The following ARHGAP8 variants were observed in gnomAD, a reference collection of about 807,000 sequenced individuals.
ARHGAP8 encodes Rho GTPase activating protein 8, also known as rho GTPase-activating protein 8.
ARHGAP8 carries 62 observed loss-of-function variants against 46.1 expected under a neutral mutation model. That is an observed-to-expected ratio of 1.34 (90% CI 1.10 to 1.66). The LOEUF is 1.66. ARHGAP8 is among the 40% of genes most tolerant of loss of function. The probability of loss-of-function intolerance (pLI) is 0.00; values close to 1 mark genes in which losing one functional copy is unlikely to be tolerated. For missense variants in ARHGAP8, 923 were observed against 568.4 expected (o/e 1.62, Z -6.34); for synonymous variants, 375 against 243.1 (o/e 1.54, Z -5.05).
chr22:44,787,035 A>T (rs1488967697), intron 2 of ARHGAP8, among the ~76,000 whole-genome samples: 1 of 96,344 alleles, frequency 1.0e-5, no homozygotes, highest in African/African-American at 3.4e-5. Flanking sequence ...GTCTCAAAAA[A>T]ACAAAAAAAA....
Position 44,815,747 on chromosome 22 carries a change from G to A in ARHGAP8, c.386+989G>A, listed in dbSNP as rs376503175. On this transcript the variant is annotated intron_variant, in intron 5 of 11. Coordinates refer to ENST00000356099, the MANE Select transcript of ARHGAP8 (RefSeq NM_181335.3). ...TGGGAAGCAAGAGCTCAAGGGGCTCGTGAGGCCTGGGAGGCTCTGCCTGGG... is the reference window on the plus strand; with the variant it reads ...TGGGAAGCAAGAGCTCAAGGGGCTCATGAGGCCTGGGAGGCTCTGCCTGGG... Among the ~76,000 whole-genome samples the A allele has an allele frequency of 8.0e-4, 122 of 152,286 alleles. 1 individual carries two copies. The South Asian group carries it at 0.022, about 28-fold the overall frequency.
At chr22:44,859,990 G>A (rs567866160) in intron 11 of ARHGAP8, among the ~76,000 whole-genome samples, 156 bp downstream of exon 11, 1 of 148,268 alleles carries the variant, frequency 6.7e-6, no homozygotes, top group Non-Finnish European at 1.5e-5. Flanking sequence ...CCTCATCCAA[G>A]GCCTGGTCAG....
Position 44,862,461 on chromosome 22 carries a change from C to T in ARHGAP8, c.1168C>T (p.His390Tyr), listed in dbSNP as rs2070543223. Residue 390 changes from histidine to tyrosine, a missense_variant, in exon 12 of 12, where the codon CAC becomes TAC. Transcript: ENST00000356099. ...IFSTPEAPGE[H>Y]GLAPWEQGSR... Reference sequence around the variant, plus strand: ...CAGCACCCCGGAGGCACCTGGGGAGCACGGCCTGGCACCATGGGAACAGGG... The same window carrying T: ...CAGCACCCCGGAGGCACCTGGGGAGTACGGCCTGGCACCATGGGAACAGGG... 3.1e-6 allele frequency: 5 copies of T among 1,613,912 alleles called. No homozygotes were observed. Among genetic ancestry groups the T allele is most frequent in the African/African-American group, 1.3e-5 (1 of 74,924 alleles).
chr22:44,858,556 A>AG (rs2070313754), intron 10 of ARHGAP8, among the ~76,000 whole-genome samples: 1 of 19,024 alleles, frequency 5.3e-5, no homozygotes, highest in Non-Finnish European at 1.1e-4. Flanking sequence ...TTTTTTAAGT[A>AG]ACAGGGTTTC....
chr22:44,811,984 G>A (rs1221365017), intron 4 of ARHGAP8, among the ~76,000 whole-genome samples: 3 of 135,300 alleles, frequency 2.2e-5, no homozygotes, highest in African/African-American at 5.9e-5. Context: ...GCAACAGAGT[G>A]AAACTCTGTT....
At position 44,849,308 on chromosome 22, in the gene ARHGAP8, A is replaced by G. The variant is rs2070038661; in HGVS notation, c.877+248A>G. 5.2e-6 allele frequency: 3 copies of G among 582,402 alleles called. No homozygotes were observed. In the South Asian group the frequency reaches 6.6e-5, roughly 13 times the overall value. 36.1% of individuals were successfully genotyped at this position (582,402 alleles called of 1,614,324 possible). A position where few individuals can be genotyped will look rare whatever the true frequency, so the allele number is the denominator to read the frequency against. ...GGTTGTCCAGGCCGGTCTCTCAGGC[A>G]CAGCTGGGCCAGGAGGCAGGGTGAT... is the stretch of plus-strand genomic sequence containing the variant. On this transcript the variant is annotated intron_variant, in intron 10 of 11. Transcript: ENST00000356099.
Position 44,836,760 on chromosome 22 carries a change from T to C in ARHGAP8, c.597-8509T>C, listed in dbSNP as rs190588291. Among the ~76,000 whole-genome samples, 15 of 152,026 alleles carry C rather than the reference T, an allele frequency of 9.9e-5. No homozygotes were observed. The East Asian group carries it at 2.7e-3, about 27-fold the overall frequency. ...GAAGATGCAGGACCATCTCAGAGGG[T>C]TGGGAAAAGCCTGGGTGCCCAGCTG... On this transcript the variant is annotated intron_variant, in intron 7 of 11. Coordinates refer to ENST00000356099, the MANE Select transcript of ARHGAP8 (RefSeq NM_181335.3).
At chr22:44,859,965 C>G in intron 11 of ARHGAP8, 131 bp downstream of exon 11, 2 of 1,100,674 alleles carry the variant, frequency 1.8e-6, no homozygotes, top group South Asian at 1.6e-5. Flanking sequence ...AATACCACTC[C>G]CTGCCCCCCA....
At chr22:44,853,636 A>G (rs1169364762) in intron 10 of ARHGAP8, among the ~76,000 whole-genome samples, 1 of 152,234 alleles carries the variant, frequency 6.6e-6, no homozygotes, top group Admixed American at 6.5e-5. Context: ...GAATTGACCT[A>G]TGTCGGCTCT....
chr22:44,862,604 A>C lies in ARHGAP8; in HGVS notation c.*9A>C. 1.3e-6 allele frequency: 2 copies of C among 1,550,228 alleles called. No individual in the cohort carries two copies. The highest frequency in any genetic ancestry group is 8.7e-7 in the Non-Finnish European group (1 of 1,146,258). On this transcript the variant is annotated 3_prime_UTR_variant, in exon 12 of 12. Transcript: ENST00000356099. ...CCAGAAGACGTCTCTAGTGTTGCGA[A>C]CACTCTGTATATTTCGAGCTACCTC...
At position 44,774,434 on chromosome 22, in the gene ARHGAP8, A is replaced by C. The variant is rs192261330; in HGVS notation, c.-71-12023A>C. Among the ~76,000 whole-genome samples, 371 of 152,268 alleles carry C rather than the reference A, an allele frequency of 2.4e-3. 1 individual carries two copies. Among genetic ancestry groups the C allele is most frequent in the African/African-American group, 8.5e-3 (353 of 41,562 alleles). ...TCCAATCAACAACATCAACAAAAAA[A>C]TGCCTTTATAATTAGTGTCTTTATG... is the stretch of plus-strand genomic sequence containing the variant. On this transcript the variant is annotated intron_variant, in intron 1 of 11. Coordinates refer to ENST00000356099, the MANE Select transcript of ARHGAP8 (RefSeq NM_181335.3).
intron 10 of ARHGAP8, among the ~76,000 whole-genome samples, chr22:44,856,224 C>G (rs938472932): frequency 2.1e-5 from 3 of 145,282 alleles, no homozygotes; most frequent in Admixed American, 6.9e-5. Context: ...GAGTGCAGCT[C>G]ACATTACTGT....
intron 8 of ARHGAP8, 84 bp downstream of exon 8, chr22:44,845,426 CCA>C: frequency 6.3e-7 from 1 of 1,581,978 alleles, no homozygotes. Flanking sequence ...TCCTGAGCAC[CCA>C]CAAGCCAGGG....
chr22:44,786,362 G>A, intron 1 of ARHGAP8, 95 bp from the exon 2 acceptor site: 1 of 1,476,586 alleles, frequency 6.8e-7, no homozygotes, highest in Non-Finnish European at 9.1e-7. Context: ...GTGCAGCAGA[G>A]GTGGGTGACT....
chr22:44,858,459 C>G (rs1319082841), intron 10 of ARHGAP8, among the ~76,000 whole-genome samples: 1 of 147,138 alleles, frequency 6.8e-6, no homozygotes, highest in African/African-American at 2.5e-5. Flanking sequence ...CCTCTGTCTT[C>G]TGAGTTCAAG....
In ARHGAP8 at chr22:44,861,952, C is replaced by T. The variant is rs550570624; in HGVS notation, c.982-323C>T. Among the ~76,000 whole-genome samples, 26 of 152,294 alleles carry T rather than the reference C, an allele frequency of 1.7e-4. 1 individual carries two copies. Among genetic ancestry groups the T allele is most frequent in the East Asian group, 7.7e-4 (4 of 5,184 alleles). On this transcript the variant is annotated intron_variant, in intron 11 of 11. Transcript: ENST00000356099. ...GCCAGAGAGGTCACCAAGTTCGTAC[C>T]GTCTGTGCTACAGCCCATCCCCAAG... is the stretch of plus-strand genomic sequence containing the variant.
rs1297658843 is a variant in ARHGAP8 at position 44,862,427 on chromosome 22, A to G, written c.1134A>G (p.Glu378=). The G allele has an allele frequency of 1.5e-5, 25 of 1,614,092 alleles. No homozygotes were observed. Among genetic ancestry groups the G allele is most frequent in the South Asian group, 2.2e-5 (2 of 91,078 alleles). ...CTGAACTGCTGATCGAGTACTATGA[A>G]AAGATCTTCAGCACCCCGGAGGCAC... ...MFTELLIEYY[E]KIFSTPEAPG... The change falls in exon 12 of 12, where the codon GAA becomes GAG. Residue 378 remains glutamate, a synonymous_variant. Coordinates refer to ENST00000356099, the MANE Select transcript of ARHGAP8 (RefSeq NM_181335.3).
intron 1 of ARHGAP8, among the ~76,000 whole-genome samples, chr22:44,758,669 T>C (rs1387890055): frequency 7.8e-6 from 1 of 128,904 alleles, no homozygotes; most frequent in East Asian, 2.3e-4. Flanking sequence ...CAGTGGGGGG[T>C]GTATTTGAGG....
rs751900302 is a variant in ARHGAP8, at chr22:44,808,368, T to C, written c.229T>C (p.Tyr77His). Residue 77 changes from tyrosine (Y) to histidine (H), a missense_variant, in exon 4 of 12, where the codon TAC becomes CAC. Physicochemically the swap from Tyr to His is moderately conservative, Grantham distance 83. Transcript: ENST00000356099. ...ENDYTIVYFH[Y>H]GLNSRNKPSL... ...CGATTATACCATCGTCTATTTCCAC[T>C]ACGGGCTGAACAGCCGGAACAAGCC... is the stretch of plus-strand genomic sequence containing the variant. The C allele has an allele frequency of 5.0e-6, 8 of 1,614,138 alleles. No individual in the cohort carries two copies. Among genetic ancestry groups the C allele is most frequent in the Middle Eastern group, 1.6e-4 (1 of 6,084 alleles).
Sources: gnomAD v4.1 joint callset for allele counts (sites outside exome capture counted in the v4.1 genomes callset) on GRCh38, gnomAD v4.1.1 for gene constraint, MANE v1.5 for transcripts, NCBI Gene and HGNC (gene_info 2026-07-23, HGNC 2026-07-21) for gene names.